The following PPP2R2B variants were observed in gnomAD, a reference collection of about 807,000 sequenced individuals.
PPP2R2B encodes the protein serine/threonine-protein phosphatase 2A 55 kDa regulatory subunit B beta isoform.
Under a neutral mutation model 46.0 loss-of-function variants are expected in PPP2R2B, and 5 were observed. The observed-to-expected ratio is 0.11, with a 90% CI of 0.06 to 0.23. The LOEUF (loss-of-function observed/expected upper bound fraction) is 0.23, where lower values mean the gene tolerates loss of function less well. Among genes scored for constraint, PPP2R2B ranks in the 10% least tolerant of loss-of-function variants. The pLI, the probability that PPP2R2B is intolerant of heterozygous loss-of-function variation, is 1.00. For missense variants in PPP2R2B, 367 were observed against 575.0 expected, an observed-to-expected ratio of 0.64 and a Z score of 3.70; for synonymous variants, 215 against 206.7, an observed-to-expected ratio of 1.04 and a Z score of -0.34.
At chr5:146,831,201 A>G (rs1228397878) in intron 2 of PPP2R2B, among the ~76,000 whole-genome samples, 2 of 152,174 alleles carry the variant, frequency 1.3e-5, no homozygotes, top group African/African-American at 4.8e-5. Context: ...ACCTTTATTA[A>G]AAAGTCTCTG....
At chr5:146,898,636 A>G (rs1243028757) in intron 1 of PPP2R2B, among the ~76,000 whole-genome samples, 2 of 144,462 alleles carry the variant, frequency 1.4e-5, no homozygotes, top group African/African-American at 2.7e-5. Context: ...GATCTAATTA[A>G]ACTAAAGAGC....
intron 1 of PPP2R2B, among the ~76,000 whole-genome samples, chr5:146,977,443 G>T (rs551435220): frequency 6.6e-6 from 1 of 152,036 alleles, no homozygotes; most frequent in East Asian, 1.9e-4. Flanking sequence ...TATTACGTAG[G>T]TATACACGTG....
At position 146,878,047 on chromosome 5, in the gene PPP2R2B, T is replaced by G. The variant is rs1180107768; in HGVS notation, c.25A>C (p.Lys9Gln). The G allele has an allele frequency of 6.2e-7, 1 of 1,614,144 alleles. No homozygotes were observed. Among genetic ancestry groups the G allele is most frequent in the Non-Finnish European group, 8.5e-7 (1 of 1,180,016 alleles). Residue 9 changes from lysine to glutamine, a missense_variant, in exon 2 of 10, where the codon AAA becomes CAA. Transcript: ENST00000394411. This position sits in a 1 kb window ranked among gnomAD's most constrained non-coding sequence, Gnocchi z 4.5. ...TCGCGCAGGAAACTGTTGTTGATTT[T>G]GCGGGTATCAATGTCCTCCTCCATT... Reference protein sequence around the residue: MEEDIDTRKINNSFLRDHS... With the variant: MEEDIDTRQINNSFLRDHS...
rs1038703373 is a variant in PPP2R2B at position 146,878,269 on chromosome 5, G to C, written c.-124-74C>G. 2.0e-6 allele frequency: 3 copies of C among 1,474,030 alleles called. No homozygotes were observed. In the East Asian group the frequency reaches 7.4e-5, roughly 37 times the overall value. 91.3% of individuals were successfully genotyped at this position (1,474,030 alleles called of 1,614,324 possible). On this transcript the variant is annotated intron_variant, in intron 1 of 9. Coordinates refer to ENST00000394411, the MANE Select transcript of PPP2R2B (RefSeq NM_181675.4). This position sits in a 1 kb window ranked among gnomAD's most constrained non-coding sequence, Gnocchi z 4.5. ...ATGGAGCTGTCACCTCCTCCACTCGGGTTCTGCGAGGCTGCGGCGGCTCCT... is the reference window on the plus strand; with the variant it reads ...ATGGAGCTGTCACCTCCTCCACTCGCGTTCTGCGAGGCTGCGGCGGCTCCT...
At chr5:146,685,281 G>A (rs916581267) in intron 5 of PPP2R2B, among the ~76,000 whole-genome samples, 21 of 152,178 alleles carry the variant, frequency 1.4e-4, no homozygotes, top group Non-Finnish European at 2.5e-4. Flanking sequence ...TATTTGCAAG[G>A]CCTTAAGCCA....
intron 1 of PPP2R2B, among the ~76,000 whole-genome samples, chr5:146,934,219 A>G (rs1046477561): frequency 2.0e-5 from 3 of 151,842 alleles, no homozygotes; most frequent in African/African-American, 7.3e-5. Flanking sequence ...GCTGGGTCAA[A>G]TGGTATTTCT....
chr5:146,896,005 G>A (rs776702396), intron 1 of PPP2R2B, among the ~76,000 whole-genome samples: 1 of 151,722 alleles, frequency 6.6e-6, no homozygotes, highest in South Asian at 2.1e-4. Context: ...ACAATTCATC[G>A]GGCTAAATAA....
intron 1 of PPP2R2B, among the ~76,000 whole-genome samples, chr5:147,018,773 C>A (rs1755125162): frequency 6.6e-6 from 1 of 152,136 alleles, no homozygotes; most frequent in South Asian, 2.1e-4. Context: ...GGACTACCAG[C>A]TTTTAAAACA....
chr5:147,043,326 T>A (rs369473877), intron 1 of PPP2R2B, among the ~76,000 whole-genome samples: 1 of 151,970 alleles, frequency 6.6e-6, no homozygotes, highest in Non-Finnish European at 1.5e-5. Context: ...AGGAGGTAAT[T>A]ATGGTTAAAT....
intron 5 of PPP2R2B, among the ~76,000 whole-genome samples, chr5:146,687,307 C>T (rs79971827): frequency 0.031 from 4,769 of 152,160 alleles, 253 homozygotes; most frequent in African/African-American, 0.11. Context: ...TGCATCGGAT[C>T]GAAGGGCTCA....
intron 2 of PPP2R2B, among the ~76,000 whole-genome samples, chr5:146,773,993 A>C (rs151227263): frequency 1.1e-4 from 16 of 152,328 alleles, no homozygotes; most frequent in Non-Finnish European, 1.5e-5. Flanking sequence ...CACAGAAGGA[A>C]ATAAAATATC....
chr5:146,650,028 A>G (rs1041314586), intron 6 of PPP2R2B, among the ~76,000 whole-genome samples: 2 of 152,248 alleles, frequency 1.3e-5, no homozygotes, highest in African/African-American at 4.8e-5. Context: ...AAACTGTACA[A>G]TTATAATATG....
chr5:146,959,991 T>A (rs1255161940), intron 1 of PPP2R2B, among the ~76,000 whole-genome samples: 2 of 152,210 alleles, frequency 1.3e-5, no homozygotes, highest in African/African-American at 4.8e-5. Context: ...TGATAGGTTT[T>A]AAGCACGGAA....
At chr5:146,647,939 C>T (rs1775694964) in intron 6 of PPP2R2B, among the ~76,000 whole-genome samples, 1 of 152,226 alleles carries the variant, frequency 6.6e-6, no homozygotes, top group Admixed American at 6.5e-5. Context: ...TCCTGATGGT[C>T]AGTTCTCATT....
intron 7 of PPP2R2B, among the ~76,000 whole-genome samples, chr5:146,630,097 A>G (rs550307998): frequency 3.4e-4 from 51 of 152,234 alleles, no homozygotes; most frequent in Non-Finnish European, 6.2e-4. Flanking sequence ...TCACAGGCAT[A>G]AGCCACCATG....
chr5:147,008,954 C>A (rs576098829), intron 1 of PPP2R2B, among the ~76,000 whole-genome samples: 1 of 152,146 alleles, frequency 6.6e-6, no homozygotes, highest in Non-Finnish European at 1.5e-5. Flanking sequence ...CCTTAGATTG[C>A]ACCGTTTGGG....
chr5:147,010,653 G>C (rs1754679436), intron 1 of PPP2R2B, among the ~76,000 whole-genome samples: 1 of 152,152 alleles, frequency 6.6e-6, no homozygotes, highest in Admixed American at 6.5e-5. Flanking sequence ...GGGTACAACT[G>C]TAAATACAGA....
chr5:146,999,498 A>G (rs1754069307), intron 1 of PPP2R2B, among the ~76,000 whole-genome samples: 2 of 152,176 alleles, frequency 1.3e-5, no homozygotes, highest in African/African-American at 2.4e-5. Context: ...TTGGGATGAG[A>G]TCTGGGTATT....
intron 1 of PPP2R2B, among the ~76,000 whole-genome samples, chr5:146,993,948 G>A (rs910048559): frequency 3.9e-5 from 6 of 152,164 alleles, no homozygotes; most frequent in African/African-American, 1.4e-4. Context: ...CCCCAGAGCT[G>A]TGTGTGACCT....
Sources: gnomAD v4.1 joint callset for allele counts (sites outside exome capture counted in the v4.1 genomes callset) on GRCh38, gnomAD v4.1.1 for gene constraint, Gnocchi (gnomAD v3.1) non-coding constraint, MANE v1.5 for transcripts, NCBI Gene and HGNC (gene_info 2026-07-23, HGNC 2026-07-21) for gene names.